Variants in RNF128 observed in about 807,000 individuals in gnomAD.
RNF128 encodes the protein E3 ubiquitin-protein ligase RNF128.
Under a neutral mutation model 26.2 loss-of-function variants are expected in RNF128, and 13 were observed. The ratio of observed to expected loss-of-function variants is 0.50; its 90% CI spans 0.32 to 0.79. The LOEUF (loss-of-function observed/expected upper bound fraction) is 0.79. RNF128 is among the 30% of genes least tolerant of loss of function. The pLI, the probability that RNF128 is intolerant of heterozygous loss-of-function variation, is 0.03. For missense variants in RNF128, 315 were observed against 349.7 expected, an observed-to-expected ratio of 0.90 and a Z score of 0.79; for synonymous variants, 149 against 142.5, an observed-to-expected ratio of 1.05 and a Z score of -0.32.
Position 106,785,121 on chromosome X carries a change from GA to G in RNF128, c.792del (p.Lys264AsnfsTer30). 1 of 1,178,845 alleles carries G rather than the reference GA, an allele frequency of 8.5e-7. No homozygotes were observed. Among genetic ancestry groups the G allele is most frequent in the Non-Finnish European group, 1.1e-6 (1 of 879,458 alleles). ...AIGRLQLRTLKQGDKEIGPDG... is the reference protein window; with the variant it reads ...AIGRLQLRTLXQGDKEIGPDG... ...TTGGAAGGCTTCAACTACGCACACT[GA>G]AACAAGGAGACAAGGTACATTCATG... On this transcript the variant is annotated frameshift_variant, in exon 3 of 7. Coordinates refer to ENST00000255499, the MANE Select transcript of RNF128 (RefSeq NM_194463.2). LOFTEE classifies it high-confidence loss of function.
chrX:106,718,613 CT>C (rs1003161389), intron 1 of RNF128, among the ~76,000 whole-genome samples: 12 of 109,231 alleles, frequency 1.1e-4, no homozygotes, highest in African/African-American at 3.7e-4. Context: ...TGCATCTGGG[CT>C]TTTTTTTCCT....
chrX:106,790,203 C>T lies in RNF128; in HGVS notation c.905C>T (p.Thr302Ile). 8.4e-7 allele frequency: 1 copy of T among 1,196,418 alleles called. No individual in the cohort carries two copies. Among genetic ancestry groups the T allele is most frequent in the Non-Finnish European group, 1.1e-6 (1 of 884,310 alleles). The change falls in exon 5 of 7, where the codon ACA (threonine) becomes ATA (isoleucine). Residue 302 changes from threonine (T) to isoleucine (I), a missense_variant. Thr to Ile is a moderately conservative substitution (Grantham distance 89). Transcript: ENST00000255499. ...TGAATTAGCCATATTTTCCATAAGA[C>T]ATGTGTTGACCCATGGCTGTTAGAA... Reference protein sequence around the residue: ...ILTCNHIFHKTCVDPWLLEHR... With the variant: ...ILTCNHIFHKICVDPWLLEHR...
chrX:106,713,133 C>G lies in RNF128; in HGVS notation c.406+18725C>G, dbSNP rs180914535. On this transcript the variant is annotated intron_variant, in intron 1 of 6. Coordinates refer to the RNF128 transcript ENST00000324342. ...AGAGCTCAAGTCGTCCCCCACCCCC[C>G]GCCTTGGGCACCCAAAGTGCTGGGA... 1.2e-4 allele frequency among the ~76,000 whole-genome samples: 13 copies of G among 108,112 alleles called. No individual in the cohort carries two copies. In the East Asian group the frequency reaches 3.3e-3, roughly 27 times the overall value. The allele number at this position is 108,112 out of a possible 115,157, so 93.9% of individuals were successfully genotyped here. A position where few individuals can be genotyped will look rare whatever the true frequency, so the allele number is the denominator to read the frequency against.
intron 1 of RNF128, among the ~76,000 whole-genome samples, chrX:106,715,469 A>C (rs1320335791): frequency 4.5e-5 from 5 of 112,211 alleles, no homozygotes; most frequent in Non-Finnish European, 9.4e-5. Flanking sequence ...AAAAGAAAGA[A>C]ATGCTGTTCA....
rs1930916331 is a variant in RNF128, at chrX:106,796,299, G to T, written c.*586G>T. 1 of 111,705 alleles carries T rather than the reference G, an allele frequency of 9.0e-6. No homozygotes were observed. The highest frequency in any genetic ancestry group is 3.3e-5 in the African/African-American group (1 of 30,757). 9.2% of individuals were successfully genotyped at this position (111,705 alleles called of 1,213,427 possible). On this transcript the variant is annotated 3_prime_UTR_variant, in exon 7 of 7. Transcript: ENST00000255499. Reference sequence around the variant, plus strand: ...AGGCTGAATGTACTTCATGTGATTTGTCAACCATAGTTTATCAGAGATTAT... The same window carrying T: ...AGGCTGAATGTACTTCATGTGATTTTTCAACCATAGTTTATCAGAGATTAT...
At chrX:106,717,739 G>T (rs1284820003) in intron 1 of RNF128, among the ~76,000 whole-genome samples, 1 of 112,165 alleles carries the variant, frequency 8.9e-6, no homozygotes, top group African/African-American at 3.2e-5. Context: ...AGAGGGTTAA[G>T]GTTGATAAAA....
At chrX:106,749,061 A>G (rs1929835951) in intron 1 of RNF128, among the ~76,000 whole-genome samples, 1 of 111,880 alleles carries the variant, frequency 8.9e-6, no homozygotes, top group Non-Finnish European at 1.9e-5. Flanking sequence ...AAAAGATGAT[A>G]TTTTAATCTA....
chrX:106,722,495 A>G (rs1351634824), upstream of RNF128, among the ~76,000 whole-genome samples: 2 of 111,928 alleles, frequency 1.8e-5, no homozygotes, highest in African/African-American at 6.5e-5. Context: ...GCTCTGTTGT[A>G]GTTAGAAAAT....
At chrX:106,705,622 C>T (rs1929030647) in intron 1 of RNF128, among the ~76,000 whole-genome samples, 1 of 112,145 alleles carries the variant, frequency 8.9e-6, no homozygotes, top group African/African-American at 3.2e-5. Flanking sequence ...TGTTTTAGCT[C>T]TAAAAATGTC....
intron 1 of RNF128, among the ~76,000 whole-genome samples, chrX:106,759,495 C>T (rs1318954854): frequency 8.9e-6 from 1 of 111,795 alleles, no homozygotes; most frequent in Non-Finnish European, 1.9e-5. Context: ...GTGTTTATTG[C>T]AGCACTATTC....
intron 1 of RNF128, among the ~76,000 whole-genome samples, chrX:106,711,066 AAT>A (rs1384777517): frequency 8.9e-6 from 1 of 111,893 alleles, no homozygotes. Flanking sequence ...ATCCACAGCA[AAT>A]ATAAAAATAA....
chrX:106,725,823 A>C (rs1313701823), upstream of RNF128, among the ~76,000 whole-genome samples: 1 of 112,992 alleles, frequency 8.9e-6, no homozygotes, highest in Non-Finnish European at 1.9e-5. Context: ...ATATTAATTC[A>C]GCTTAATTCA....
chrX:106,715,885 G>A (rs1237850424), intron 1 of RNF128, among the ~76,000 whole-genome samples: 1 of 111,220 alleles, frequency 9.0e-6, no homozygotes, highest in Non-Finnish European at 1.9e-5. Context: ...TCATAAAAGA[G>A]ATTGAATAAA....
chrX:106,739,343 G>A (rs1161264828), intron 1 of RNF128, among the ~76,000 whole-genome samples: 1 of 110,452 alleles, frequency 9.1e-6, no homozygotes, highest in Non-Finnish European at 1.9e-5. Context: ...GATTTTAGTA[G>A]AGGCGGGGTT....
At chrX:106,742,179 A>T (rs111384006) in intron 1 of RNF128, among the ~76,000 whole-genome samples, 5,250 of 111,238 alleles carry the variant, frequency 0.047, 334 homozygotes, top group African/African-American at 0.16. Context: ...ACTATTTCTG[A>T]TATAGCAAAT....
At chrX:106,703,342 G>A (rs58228930) in intron 1 of RNF128, among the ~76,000 whole-genome samples, 3,041 of 111,433 alleles carry the variant, frequency 0.027, 111 homozygotes, top group African/African-American at 0.095. Flanking sequence ...ACTATGTGCC[G>A]AGCATTCTTC....
At chrX:106,728,802 T>A (rs971418092) in intron 1 of RNF128, among the ~76,000 whole-genome samples, 7 of 111,991 alleles carry the variant, frequency 6.3e-5, no homozygotes, top group Non-Finnish European at 7.5e-5. Context: ...TAGAAGCGTG[T>A]ACTGAAACAA....
chrX:106,738,259 G>T (rs1929633922), intron 1 of RNF128, among the ~76,000 whole-genome samples: 1 of 111,111 alleles, frequency 9.0e-6, no homozygotes, highest in Non-Finnish European at 1.9e-5. Context: ...TCAAAAGGGG[G>T]ATAATAATAC....
Position 106,770,905 on chromosome X carries a change from T to C in RNF128, c.485-2008T>C, listed in dbSNP as rs1359152004. ...TGTGGTTTTATCTACCTCTGGTCTT[T>C]GATGATGGTGACGTACTGACAGGGT... On this transcript the variant is annotated intron_variant, in intron 1 of 6. Coordinates refer to ENST00000255499, the MANE Select transcript of RNF128 (RefSeq NM_194463.2). 2.1e-4 allele frequency among the ~76,000 whole-genome samples: 23 copies of C among 112,152 alleles called. 1 individual carries two copies. The highest frequency in any genetic ancestry group is 1.8e-3 in the Admixed American group (19 of 10,616).
Sources: gnomAD v4.1 joint callset for allele counts (sites outside exome capture counted in the v4.1 genomes callset) on GRCh38, gnomAD v4.1.1 for gene constraint, MANE v1.5 for transcripts, NCBI Gene and HGNC (gene_info 2026-07-23, HGNC 2026-07-21) for gene names.